Variants in PCDH7 observed in about 807,000 individuals in gnomAD.
PCDH7 encodes the protein protocadherin-7.
A neutral mutation model predicts 58.9 loss-of-function variants in PCDH7; 17 were observed. The observed-to-expected ratio is 0.29, with a 90% CI of 0.20 to 0.43. PCDH7 has a LOEUF of 0.43. Among genes scored for constraint, PCDH7 ranks in the 20% least tolerant of loss-of-function variants. PCDH7 has a pLI of 1.00. For synonymous variants in PCDH7, 664 were observed against 616.4 expected (o/e 1.08, Z -1.14); for missense variants, 1,274 against 1,441.0 (o/e 0.88, Z 1.88).
At chr4:30,922,992 T>C (rs913127318) in intron 2 of PCDH7, among the ~76,000 whole-genome samples, 1 of 152,174 alleles carries the variant, frequency 6.6e-6, no homozygotes, top group Non-Finnish European at 1.5e-5. Flanking sequence ...AGAATTGGAA[T>C]TGAAACCTGT....
intron 3 of PCDH7, among the ~76,000 whole-genome samples, chr4:31,099,671 G>A (rs773946260): frequency 6.6e-5 from 10 of 152,036 alleles, no homozygotes; most frequent in Non-Finnish European, 1.0e-4. Context: ...TTTCACATAC[G>A]GTGAAATTGA....
chr4:30,932,325 C>T (rs751473556), intron 2 of PCDH7, among the ~76,000 whole-genome samples: 21 of 152,150 alleles, frequency 1.4e-4, no homozygotes, highest in Non-Finnish European at 2.6e-4. Flanking sequence ...GAAATGCTTC[C>T]AAATATGTTG....
chr4:30,993,175 T>G (rs1450039511), intron 3 of PCDH7, among the ~76,000 whole-genome samples: 1 of 152,182 alleles, frequency 6.6e-6, no homozygotes, highest in African/African-American at 2.4e-5. Context: ...TTCCTTCATC[T>G]CACATGTGCT....
At chr4:30,789,736 T>A (rs921309915) in intron 1 of PCDH7, among the ~76,000 whole-genome samples, 6 of 152,308 alleles carry the variant, frequency 3.9e-5, no homozygotes, top group African/African-American at 1.2e-4. Context: ...TTTAGGTGAA[T>A]TTCTGGCCAT....
chr4:30,940,598 T>G (rs1310876270), intron 2 of PCDH7, among the ~76,000 whole-genome samples: 2 of 152,022 alleles, frequency 1.3e-5, no homozygotes, highest in African/African-American at 4.8e-5. Context: ...ATTTTTACAA[T>G]GAAATTCTTG....
chr4:31,138,975 CAAAAA>C (rs199822943), intron 3 of PCDH7, among the ~76,000 whole-genome samples: 1 of 88,980 alleles, frequency 1.1e-5, no homozygotes, highest in African/African-American at 4.3e-5. Context: ...GATCCTGTCT[CAAAAA>C]AAAAAAAAAG....
chr4:30,938,722 T>C (rs997153075), intron 2 of PCDH7, among the ~76,000 whole-genome samples: 2 of 152,156 alleles, frequency 1.3e-5, no homozygotes, highest in Admixed American at 1.3e-4. Flanking sequence ...ATTTTTATAA[T>C]ACAGTAAGCT....
chr4:30,903,296 T>C (rs1473552708), intron 1 of PCDH7, among the ~76,000 whole-genome samples: 1 of 152,074 alleles, frequency 6.6e-6, no homozygotes. Context: ...CAAAAGACAA[T>C]AGCTACAGAG....
chr4:30,814,282 A>G (rs192469107), intron 1 of PCDH7, among the ~76,000 whole-genome samples: 57 of 152,170 alleles, frequency 3.7e-4, no homozygotes, highest in Admixed American at 2.2e-3. Context: ...GAAGAAAGCA[A>G]ATAACATTAA....
rs139904342 is a variant in PCDH7 at position 31,006,316 on chromosome 4, A to T, written c.*7+56101A>T. ...GGCCACTAAACATTTTTTAAAGCAC[A>T]AATGCACAAAATTGAAAATGATTAA... On this transcript the variant is annotated intron_variant, in intron 3 of 3. Coordinates refer to the PCDH7 transcript ENST00000509759. Among the ~76,000 whole-genome samples the T allele has an allele frequency of 3.1e-3, 465 of 152,292 alleles. 4 individuals carry two copies. Among genetic ancestry groups the T allele is most frequent in the African/African-American group, 0.011 (446 of 41,574 alleles).
At chr4:30,748,390 A>T (rs1018524283) in intron 1 of PCDH7, among the ~76,000 whole-genome samples, 14 of 152,196 alleles carry the variant, frequency 9.2e-5, no homozygotes, top group African/African-American at 3.4e-4. Flanking sequence ...TTTGGCTCAC[A>T]GTTCTGGTGG....
chr4:30,958,208 C>T (rs73815114), intron 3 of PCDH7, among the ~76,000 whole-genome samples: 2,323 of 151,960 alleles, frequency 0.015, 50 homozygotes, highest in African/African-American at 0.052. Context: ...AATGGAAACA[C>T]AAGAAATTAA....
chr4:31,087,517 A>G (rs1712612272), intron 3 of PCDH7, among the ~76,000 whole-genome samples: 1 of 152,142 alleles, frequency 6.6e-6, no homozygotes, highest in Admixed American at 6.6e-5. Context: ...TTAGGGAACC[A>G]GTCTGGTATC....
At chr4:30,996,345 C>G (rs1021682705) in intron 3 of PCDH7, among the ~76,000 whole-genome samples, 1 of 152,148 alleles carries the variant, frequency 6.6e-6, no homozygotes, top group Non-Finnish European at 1.5e-5. Context: ...CAATGTTCCT[C>G]AGGTAGACTA....
intron 3 of PCDH7, among the ~76,000 whole-genome samples, chr4:31,108,369 T>TAAAAAAAAAAAAAA (rs71190491): frequency 2.7e-4 from 16 of 60,088 alleles, no homozygotes; most frequent in African/African-American, 6.2e-4. Context: ...CAGCATACAG[T>TAAAAAAAAAAAAAA]AAAAAAAAAA....
intron 3 of PCDH7, among the ~76,000 whole-genome samples, chr4:30,990,982 G>A (rs995149896): frequency 1.3e-5 from 2 of 152,044 alleles, no homozygotes; most frequent in Non-Finnish European, 2.9e-5. Flanking sequence ...GTATAGCAAG[G>A]AAGAGAAGTA....
chr4:31,071,897 G>T (rs1441721093), intron 3 of PCDH7, among the ~76,000 whole-genome samples: 3 of 152,042 alleles, frequency 2.0e-5, no homozygotes, highest in Non-Finnish European at 4.4e-5. Context: ...TCTGAAGGTG[G>T]TGAGAACACT....
intron 1 of PCDH7, among the ~76,000 whole-genome samples, chr4:30,726,662 A>G (rs3775330): frequency 0.14 from 22,027 of 151,960 alleles, 1,832 homozygotes; most frequent in East Asian, 0.31. Flanking sequence ...GGAATGAATC[A>G]CACAGTTTGC....
At chr4:31,114,330 T>C (rs1716723348) in intron 3 of PCDH7, among the ~76,000 whole-genome samples, 1 of 152,150 alleles carries the variant, frequency 6.6e-6, no homozygotes, top group South Asian at 2.1e-4. Flanking sequence ...ATTGGTATTA[T>C]TTAAAATATC....
Sources: allele counts gnomAD v4.1 joint callset (sites outside exome capture counted in the v4.1 genomes callset), GRCh38; gene constraint gnomAD v4.1.1; transcripts MANE v1.5; gene names NCBI Gene and HGNC (gene_info 2026-07-23, HGNC 2026-07-21).